Variants in CLN3 observed in about 807,000 individuals in gnomAD.
The protein encoded by CLN3 is battenin.
Under a neutral mutation model 60.7 loss-of-function variants are expected in CLN3, and 49 were observed. That is an observed-to-expected ratio of 0.81 (90% CI 0.64 to 1.02). CLN3 has a LOEUF of 1.02. Among genes scored for constraint, CLN3 ranks in the 50% least tolerant of loss-of-function variants. The pLI, the probability that CLN3 is intolerant of heterozygous loss-of-function variation, is 0.00. For missense variants in CLN3, 516 were observed against 557.4 expected (o/e 0.93, Z 0.75); for synonymous variants, 256 against 245.8 (o/e 1.04, Z -0.39).
intron 3 of CLN3, among the ~76,000 whole-genome samples, chr16:28,489,647 A>T (rs1173294241): frequency 6.6e-6 from 1 of 152,066 alleles, no homozygotes; most frequent in East Asian, 1.9e-4. Context: ...GCTACTTGGG[A>T]GGCTGAGGTG....
chr16:28,472,289 T>A (rs912139632), downstream of CLN3, among the ~76,000 whole-genome samples: 1 of 150,660 alleles, frequency 6.6e-6, no homozygotes, highest in Non-Finnish European at 1.5e-5. Flanking sequence ...TGGTGGCTAA[T>A]TGGGAGGCTG....
chr16:28,482,438 A>T, intron 12 of CLN3, 39 bp downstream of exon 12: 6 of 1,613,730 alleles, frequency 3.7e-6, no homozygotes, highest in Non-Finnish European at 5.1e-6. Context: ...CCCAGCCCCA[A>T]TCGCCACCTC....
chr16:28,478,445 G>A lies in CLN3; in HGVS notation c.1057-568C>T, dbSNP rs574770786. On this transcript the variant is annotated intron_variant, in intron 14 of 15. Transcript: ENST00000636147. ...AGCCTGGGCAACATAACAAAACTCC[G>A]TCTCTACAAAAAATTTAAAAATTAG... 9.2e-5 allele frequency among the ~76,000 whole-genome samples: 14 copies of A among 151,562 alleles called. 1 individual carries two copies. In the South Asian group the frequency reaches 2.7e-3, roughly 29 times the overall value.
At chr16:28,483,210 C>T (rs1416758786) in intron 10 of CLN3, among the ~76,000 whole-genome samples, 1 of 152,010 alleles carries the variant, frequency 6.6e-6, no homozygotes, top group Non-Finnish European at 1.5e-5. Context: ...CTCTTCACGT[C>T]TCTTTGATTT....
intron 9 of CLN3, among the ~76,000 whole-genome samples, chr16:28,485,501 G>A (rs1199683280): frequency 6.9e-6 from 1 of 144,418 alleles, no homozygotes; most frequent in Non-Finnish European, 1.5e-5. Flanking sequence ...CCGGGAGGCC[G>A]AGGCTGCAGT....
chr16:28,469,275 C>G (rs71225383), downstream of CLN3, among the ~76,000 whole-genome samples: 1,337 of 101,088 alleles, frequency 0.013, 5 homozygotes, highest in Middle Eastern at 0.026. Context: ...GCTGGGAAGA[C>G]TGAGAGTTCA....
chr16:28,482,976 TGTCTGTA>T (rs2046129021), intron 10 of CLN3, among the ~76,000 whole-genome samples: 1 of 151,680 alleles, frequency 6.6e-6, no homozygotes, highest in Non-Finnish European at 1.5e-5. Flanking sequence ...TGGTGGCAGG[TGTCTGTA>T]GTCCCAGCTA....
rs1005262467 is a variant in CLN3 at position 28,487,908 on chromosome 16, T to C, written c.295-167A>G. Reference sequence around the variant, plus strand: ...TCAGCTCTCCCACTCCTTAGTTGTGTGTCAAGAGTTTATACTCTCTGAGCT... The same window carrying C: ...TCAGCTCTCCCACTCCTTAGTTGTGCGTCAAGAGTTTATACTCTCTGAGCT... On this transcript the variant is annotated intron_variant, in intron 5 of 15. Transcript: ENST00000636147. 8.1e-5 allele frequency: 53 copies of C among 654,102 alleles called. No homozygotes were observed. In the East Asian group the frequency reaches 1.4e-3, roughly 17 times the overall value. The allele number at this position is 654,102 out of a possible 1,614,324, so 40.5% of individuals were successfully genotyped here. A position where few individuals can be genotyped will look rare whatever the true frequency, so the allele number is the denominator to read the frequency against.
chr16:28,480,213 AT>A (rs139457431), intron 14 of CLN3, among the ~76,000 whole-genome samples: 29 of 147,566 alleles, frequency 2.0e-4, no homozygotes, highest in African/African-American at 5.0e-4. Context: ...CACCTGGCTT[AT>A]TTTTTTTTTT....
At chr16:28,478,617 T>TAAAAAAAAAAAAAAAAA (rs766238150) in intron 14 of CLN3, among the ~76,000 whole-genome samples, 4 of 74,352 alleles carry the variant, frequency 5.4e-5, no homozygotes, top group African/African-American at 3.1e-4. Flanking sequence ...TCCTGTCTCA[T>TAAAAAAAAAAAAAAAAA]AAAAAAAAAA....
rs2046161026 is a variant in CLN3 at position 28,484,086 on chromosome 16, T to G, written c.710A>C (p.Gln237Pro). 2 of 1,612,028 alleles carry G rather than the reference T, an allele frequency of 1.2e-6. No individual in the cohort carries two copies. The highest frequency in any genetic ancestry group is 1.7e-6 in the Non-Finnish European group (2 of 1,179,178). Reference sequence around the variant, plus strand: ...TGCTTCTTCTTCCCCTCCAGGGTCCTGGGCCTCAGGAGATGTGAGCAACAA... The same window carrying G: ...TGCTTCTTCTTCCCCTCCAGGGTCCGGGGCCTCAGGAGATGTGAGCAACAA... ...YFLLLTSPEA[Q>P]DPGGEEEAES... Residue 237 changes from glutamine to proline, a missense_variant, in exon 10 of 16, where the codon CAG (glutamine) becomes CCG (proline). Coordinates refer to ENST00000636147, the MANE Select transcript of CLN3 (RefSeq NM_001042432.2).
Position 28,491,536 on chromosome 16 carries a change from C to T in CLN3, c.71G>A (p.Arg24Gln), listed in dbSNP as rs764455367. The change falls in exon 3 of 16, where the codon CGG (arginine) becomes CAG (glutamine). Residue 24 changes from arginine (R) to glutamine (Q), a missense_variant. Physicochemically the swap from Arg to Gln is conservative, Grantham distance 43. Coordinates refer to ENST00000636147, the MANE Select transcript of CLN3 (RefSeq NM_001042432.2). ...SEGEETVPEP[R>Q]LPLLDHQGAH... ...GCCCTGATGGTCCAACAGAGGGAGC[C>T]GGGGCTCCGGGACGGTCTCCTCCCC... 2 of 1,614,062 alleles carry T rather than the reference C, an allele frequency of 1.2e-6. No homozygotes were observed. Among genetic ancestry groups the T allele is most frequent in the Non-Finnish European group, 1.7e-6 (2 of 1,180,020 alleles).
At chr16:28,484,937 G>A (rs2046178388) in intron 9 of CLN3, 1 of 150,572 alleles carries the variant, frequency 6.6e-6, no homozygotes, top group East Asian at 2.0e-4. Context: ...TGTCTGGCTA[G>A]TTCAAAGTGT....
At chr16:28,476,253 A>G (rs1191353874), downstream of CLN3, 1 of 152,042 alleles carries the variant, frequency 6.6e-6, no homozygotes, top group African/African-American at 2.4e-5. Flanking sequence ...AACTGTACCT[A>G]AATAACAGGA....
chr16:28,477,795 T>C lies in CLN3; in HGVS notation c.1139A>G (p.Tyr380Cys). 1.2e-6 allele frequency: 2 copies of C among 1,614,118 alleles called. No homozygotes were observed. Among genetic ancestry groups the C allele is most frequent in the South Asian group, 2.2e-5 (2 of 91,090 alleles). ...SIYLVFLIIL[Y>C]EGLLGGAAYV... Reference sequence around the variant, plus strand: ...GGCTGCGCCTCCCAGGAGCCCCTCATACAGAATGATCAGGAAGACGAGGTA... The same window carrying C: ...GGCTGCGCCTCCCAGGAGCCCCTCACACAGAATGATCAGGAAGACGAGGTA... Residue 380 changes from tyrosine (Y) to cysteine (C), a missense_variant, in exon 15 of 16, where the codon TAT becomes TGT. Tyr to Cys is a radical substitution (Grantham distance 194, BLOSUM62 -2). Transcript: ENST00000636147.
Position 28,492,030 on chromosome 16 carries a change from A to T in CLN3, c.-87T>A. The T allele has an allele frequency of 1.7e-6, 1 of 585,376 alleles. No individual in the cohort carries two copies. The allele number at this position is 585,376 out of a possible 1,614,324, so 36.3% of individuals were successfully genotyped here. ...CCCTGAGGCCTGTACCTTTAAGAGC[A>T]GCAGAATGTTCTGCACTATGCAGAG... On this transcript the variant is annotated 5_prime_UTR_variant, in exon 1 of 16. Transcript: ENST00000636147.
chr16:28,474,965 C>T (rs1440068871), downstream of CLN3, among the ~76,000 whole-genome samples: 1 of 152,082 alleles, frequency 6.6e-6, no homozygotes, highest in Non-Finnish European at 1.5e-5. Context: ...ATTAGCCAGG[C>T]AGGGCCAGGT....
At position 28,486,490 on chromosome 16, in the gene CLN3, C is replaced by G. The variant is rs756640405; in HGVS notation, c.534G>C (p.Arg178Ser). The G allele has an allele frequency of 1.9e-6, 3 of 1,612,358 alleles. No homozygotes were observed. Among genetic ancestry groups the G allele is most frequent in the Non-Finnish European group, 1.7e-6 (2 of 1,179,300 alleles). Residue 178 changes from arginine (R) to serine (S), a missense_variant and splice_region_variant, in exon 9 of 16, where the codon AGG becomes AGC. Arg to Ser is a moderately radical substitution (Grantham distance 110). Transcript: ENST00000636147. ...CTGAGGACCACCAGGAGATCACGGC[C>G]CTGGGAAGGAGAACACAGGAACATT... ...TFLSLTAFYP[R>S]AVISWWSSGT...
chr16:28,488,228 A>G (rs759475966), intron 5 of CLN3: 5 of 167,038 alleles, frequency 3.0e-5, no homozygotes, highest in Non-Finnish European at 5.2e-5. Context: ...TTTAGTACAG[A>G]TGGGGTTTCA....
Sources: allele counts gnomAD v4.1 joint callset (sites outside exome capture counted in the v4.1 genomes callset), GRCh38; gene constraint gnomAD v4.1.1; transcripts MANE v1.5; gene names NCBI Gene and HGNC (gene_info 2026-07-23, HGNC 2026-07-21).